The following ADAM12 variants were observed in gnomAD, a reference collection of about 807,000 sequenced individuals.
The protein encoded by ADAM12 is ADAM metallopeptidase domain 12.
A neutral mutation model predicts 106.4 loss-of-function variants in ADAM12; 70 were observed. The ratio of observed to expected loss-of-function variants is 0.66; its 90% CI spans 0.54 to 0.80. The LOEUF (loss-of-function observed/expected upper bound fraction) is 0.80, where lower values mean the gene tolerates loss of function less well. ADAM12 is among the 30% of genes least tolerant of loss of function. The pLI, the probability that ADAM12 is intolerant of heterozygous loss-of-function variation, is 0.00. For missense variants in ADAM12, 1,010 were observed against 1,171.9 expected (o/e 0.86, Z 2.02); for synonymous variants, 420 against 433.5 (o/e 0.97, Z 0.39).
chr10:126,262,126 G>A (rs12248709), intron 3 of ADAM12, among the ~76,000 whole-genome samples: 2,042 of 152,166 alleles, frequency 0.013, 49 homozygotes, highest in African/African-American at 0.046. Flanking sequence ...AATAAAATGA[G>A]TCATTGCATT....
intron 2 of ADAM12, among the ~76,000 whole-genome samples, chr10:126,306,218 C>A (rs1290573421): frequency 1.3e-5 from 2 of 151,796 alleles, no homozygotes; most frequent in Admixed American, 6.6e-5. Context: ...TCTCTTATAG[C>A]AGCTTCTTAT....
chr10:126,090,312 C>CA (rs58704417), intron 11 of ADAM12, among the ~76,000 whole-genome samples: 17,220 of 123,142 alleles, frequency 0.14, 1,411 homozygotes, highest in African/African-American at 0.26. Flanking sequence ...AAACTTTCTG[C>CA]AAAAAAAAAA....
At chr10:126,133,266 C>T (rs180827805) in intron 5 of ADAM12, among the ~76,000 whole-genome samples, 83 of 152,252 alleles carry the variant, frequency 5.5e-4, no homozygotes, top group Admixed American at 2.9e-3. Context: ...TTCTCCTGAG[C>T]GCCCACTCTG....
At chr10:126,295,548 T>TACAC (rs147578888) in intron 2 of ADAM12, among the ~76,000 whole-genome samples, 2,128 of 146,612 alleles carry the variant, frequency 0.015, 39 homozygotes, top group African/African-American at 0.048. Flanking sequence ...CACACACACA[T>TACAC]ACACACACAC....
chr10:126,088,102 C>CT (rs1327105280), intron 11 of ADAM12, among the ~76,000 whole-genome samples: 4 of 152,178 alleles, frequency 2.6e-5, no homozygotes, highest in Non-Finnish European at 5.9e-5. Context: ...ATTTTTCTCT[C>CT]TGTCTTTTAG....
rs756013699 is a variant in ADAM12 at position 126,017,280 on chromosome 10, CACTT to C, written c.2716_2719del (p.Lys906GlufsTer29). 50 of 1,593,616 alleles carry C rather than the reference CACTT, an allele frequency of 3.1e-5. No individual in the cohort carries two copies. Among genetic ancestry groups the C allele is most frequent in the African/African-American group, 8.0e-5 (6 of 74,598 alleles). ...CTGTTGAAAAAAGGTGTCGGCTTCT[CACTT>C]AATATAGGCGGTGTGGGTGGATCTG... On this transcript the variant is annotated frameshift_variant and stop_lost, in exon 23 of 23. Transcript: ENST00000448723. LOFTEE classifies it high-confidence loss of function.
At chr10:126,117,760 G>GGGA (rs1368086227) in intron 6 of ADAM12, among the ~76,000 whole-genome samples, 1 of 130,950 alleles carries the variant, frequency 7.6e-6, no homozygotes, top group African/African-American at 2.9e-5. Context: ...GTAGAAGTTG[G>GGGA]GGGGGCGTAA....
chr10:126,195,497 C>T (rs1239440587), intron 3 of ADAM12, among the ~76,000 whole-genome samples: 3 of 152,108 alleles, frequency 2.0e-5, no homozygotes, highest in Non-Finnish European at 2.9e-5. Context: ...ATCGCTTGAA[C>T]CCGGGAGGCA....
chr10:126,046,281 A>T, intron 16 of ADAM12, 149 bp from the exon 17 acceptor site: 1 of 674,122 alleles, frequency 1.5e-6, no homozygotes. Flanking sequence ...GAGCATAACA[A>T]TACATTTTAT....
At chr10:126,267,156 G>A (rs528464277) in intron 3 of ADAM12, among the ~76,000 whole-genome samples, 86 of 152,290 alleles carry the variant, frequency 5.6e-4, no homozygotes, top group African/African-American at 1.9e-3. Flanking sequence ...AGCAGCTCTA[G>A]AAAGAGTCCA....
chr10:126,175,371 C>G (rs910201853), intron 3 of ADAM12, among the ~76,000 whole-genome samples: 1 of 152,320 alleles, frequency 6.6e-6, no homozygotes, highest in Non-Finnish European at 1.5e-5. Context: ...TTATTATTTA[C>G]TCATAACAAT....
At position 126,053,039 on chromosome 10, in the gene ADAM12, C is replaced by G; in HGVS notation, c.1610-3370G>C. On this transcript the variant is annotated intron_variant, in intron 14 of 22. Coordinates refer to ENST00000448723, the MANE Select transcript of ADAM12 (RefSeq NM_001288973.2). This position sits in a 1 kb window ranked among gnomAD's most constrained non-coding sequence, Gnocchi z 4.6. ...CAGTTTCTCTTGAATGGTTTAGCAC[C>G]ATCACCTTGGTGCTATTCTTGGGAT... is the stretch of plus-strand genomic sequence containing the variant. Among the ~76,000 whole-genome samples the G allele has an allele frequency of 6.6e-6, 1 of 152,170 alleles. No individual in the cohort carries two copies. The highest frequency in any genetic ancestry group is 2.1e-4 in the South Asian group (1 of 4,816).
At chr10:126,035,933 G>A (rs1954051465) in intron 21 of ADAM12, among the ~76,000 whole-genome samples, 1 of 150,186 alleles carries the variant, frequency 6.7e-6, no homozygotes. Flanking sequence ...ATTATAACTA[G>A]TAAATTAAAA....
At chr10:126,207,905 A>C (rs1957825675) in intron 3 of ADAM12, among the ~76,000 whole-genome samples, 1 of 152,218 alleles carries the variant, frequency 6.6e-6, no homozygotes, top group South Asian at 2.1e-4. Flanking sequence ...AATATGAAAA[A>C]CACTAAAAGG....
chr10:126,199,183 C>T (rs527941162), intron 3 of ADAM12, among the ~76,000 whole-genome samples: 5 of 152,238 alleles, frequency 3.3e-5, no homozygotes, highest in East Asian at 3.9e-4. Context: ...ATGAAGGTTT[C>T]GTTTGGGGCA....
intron 14 of ADAM12, among the ~76,000 whole-genome samples, chr10:126,055,725 C>T (rs898360952): frequency 6.6e-6 from 1 of 152,186 alleles, no homozygotes; most frequent in Non-Finnish European, 1.5e-5. Flanking sequence ...TTCGGAACCA[C>T]CAACATATTC....
intron 3 of ADAM12, among the ~76,000 whole-genome samples, chr10:126,192,100 A>C (rs1370278373): frequency 4.6e-5 from 7 of 152,176 alleles, no homozygotes. Context: ...CTCCACCTCC[A>C]AGTTGGGGAT....
chr10:126,271,634 G>A (rs547095242), intron 3 of ADAM12, among the ~76,000 whole-genome samples: 39 of 152,288 alleles, frequency 2.6e-4, no homozygotes, highest in African/African-American at 7.5e-4. Context: ...ATATTGCAGC[G>A]CATGCCTGTA....
chr10:126,245,631 C>T (rs1362311481), intron 3 of ADAM12, among the ~76,000 whole-genome samples: 1 of 152,114 alleles, frequency 6.6e-6, no homozygotes, highest in Non-Finnish European at 1.5e-5. Context: ...GGCATCCACC[C>T]ACACTTAGGA....
Sources: allele counts gnomAD v4.1 joint callset (sites outside exome capture counted in the v4.1 genomes callset), GRCh38; gene constraint gnomAD v4.1.1; non-coding constraint Gnocchi (gnomAD v3.1); transcripts MANE v1.5; gene names NCBI Gene and HGNC (gene_info 2026-07-23, HGNC 2026-07-21).